The following RIMS4 variants were observed in gnomAD, a reference collection of about 807,000 sequenced individuals.
The protein encoded by RIMS4 is regulating synaptic membrane exocytosis 4.
Under a neutral mutation model 29.0 loss-of-function variants are expected in RIMS4, and 9 were observed. That is an observed-to-expected ratio of 0.31 (90% CI 0.19 to 0.54). RIMS4 has a LOEUF of 0.54. Among genes scored for constraint, RIMS4 ranks in the 20% least tolerant of loss-of-function variants. The pLI, the probability that RIMS4 is intolerant of heterozygous loss-of-function variation, is 0.94. For synonymous variants in RIMS4, 130 were observed against 152.9 expected (o/e 0.85, Z 1.10); for missense variants, 193 against 365.7 (o/e 0.53, Z 3.85).
intron 1 of RIMS4, among the ~76,000 whole-genome samples, chr20:44,799,120 T>C (rs2066266997): frequency 6.6e-6 from 1 of 152,096 alleles, no homozygotes; most frequent in Admixed American, 6.5e-5. Context: ...CTGCCCAATA[T>C]GGTGAAACTC....
intron 1 of RIMS4, among the ~76,000 whole-genome samples, chr20:44,780,949 T>C (rs1053034870): frequency 6.6e-6 from 1 of 152,176 alleles, no homozygotes; most frequent in East Asian, 1.9e-4. Context: ...GTAATAAATA[T>C]GGAATGTGCT....
intron 2 of RIMS4, among the ~76,000 whole-genome samples, 196 bp from the exon 3 acceptor site, chr20:44,758,380 GC>G (rs1353680204): frequency 9.2e-5 from 14 of 152,296 alleles, no homozygotes; most frequent in Admixed American, 3.9e-4. Context: ...AGCAGCATCA[GC>G]ATCACCTGGG....
chr20:44,797,510 T>C (rs953768069), intron 1 of RIMS4, among the ~76,000 whole-genome samples: 1 of 152,248 alleles, frequency 6.6e-6, no homozygotes, highest in African/African-American at 2.4e-5. Flanking sequence ...CCTCACTTTC[T>C]CACTCCCATC....
chr20:44,760,799 C>T (rs182788346), intron 2 of RIMS4, among the ~76,000 whole-genome samples: 15 of 152,238 alleles, frequency 9.9e-5, no homozygotes, highest in African/African-American at 3.6e-4. Context: ...GTGATTTCTG[C>T]CCTTCAGGTG....
At chr20:44,789,715 C>G (rs991457527) in intron 1 of RIMS4, among the ~76,000 whole-genome samples, 1 of 152,196 alleles carries the variant, frequency 6.6e-6, no homozygotes, top group African/African-American at 2.4e-5. Flanking sequence ...GCCACCACAT[C>G]TGGCTGAGTT....
chr20:44,791,165 T>C (rs1355979839), intron 1 of RIMS4, among the ~76,000 whole-genome samples: 1 of 152,254 alleles, frequency 6.6e-6, no homozygotes, highest in Non-Finnish European at 1.5e-5. Flanking sequence ...TAAATATGTG[T>C]TGTGTGTGTG....
At chr20:44,799,367 C>T (rs1306294973) in intron 1 of RIMS4, among the ~76,000 whole-genome samples, 1 of 152,028 alleles carries the variant, frequency 6.6e-6, no homozygotes, top group Non-Finnish European at 1.5e-5. Flanking sequence ...CCCAGCTGCC[C>T]AGTTTGGGGG....
chr20:44,772,328 T>G (rs1173053869), intron 1 of RIMS4, among the ~76,000 whole-genome samples: 1 of 152,164 alleles, frequency 6.6e-6, no homozygotes, highest in East Asian at 1.9e-4. Flanking sequence ...TTAAACAATA[T>G]TGGTGTTTTG....
chr20:44,791,356 G>T (rs1048961125), intron 1 of RIMS4, among the ~76,000 whole-genome samples: 4 of 152,236 alleles, frequency 2.6e-5, no homozygotes, highest in Non-Finnish European at 5.9e-5. Context: ...TAGACTCAAG[G>T]AAACCAGCTC....
intron 1 of RIMS4, among the ~76,000 whole-genome samples, chr20:44,797,519 T>A (rs1275945719): frequency 2.0e-5 from 3 of 152,196 alleles, no homozygotes; most frequent in Admixed American, 2.0e-4. Context: ...CTCACTCCCA[T>A]CCTGGGGTTT....
At chr20:44,801,603 A>G (rs561362569) in intron 1 of RIMS4, among the ~76,000 whole-genome samples, 46 of 152,322 alleles carry the variant, frequency 3.0e-4, no homozygotes, top group Non-Finnish European at 4.1e-4. Flanking sequence ...AAGGAGCTAG[A>G]CCTGAATCCT....
chr20:44,763,215 G>A (rs987428485), intron 2 of RIMS4, among the ~76,000 whole-genome samples: 1 of 152,218 alleles, frequency 6.6e-6, no homozygotes, highest in African/African-American at 2.4e-5. Context: ...GACCCTGGAT[G>A]CCAGTACTGT....
At chr20:44,805,147 A>G (rs892311262) in intron 1 of RIMS4, among the ~76,000 whole-genome samples, 4 of 151,986 alleles carry the variant, frequency 2.6e-5, no homozygotes, top group Admixed American at 1.3e-4. Flanking sequence ...AAAAGAAAAA[A>G]AAAAGAAAAT....
chr20:44,788,811 G>A (rs1324884963), intron 1 of RIMS4, among the ~76,000 whole-genome samples: 1 of 151,998 alleles, frequency 6.6e-6, no homozygotes, highest in East Asian at 1.9e-4. Context: ...TAAAAAAAAT[G>A]ATACTGATGA....
intron 1 of RIMS4, among the ~76,000 whole-genome samples, chr20:44,801,930 C>G (rs1379446972): frequency 6.6e-6 from 1 of 152,178 alleles, no homozygotes; most frequent in East Asian, 1.9e-4. Context: ...GCCTTTTCCT[C>G]CAACCCAGTG....
intron 1 of RIMS4, among the ~76,000 whole-genome samples, chr20:44,799,223 A>G (rs1380136609): frequency 6.6e-6 from 1 of 152,140 alleles, no homozygotes; most frequent in African/African-American, 2.4e-5. Flanking sequence ...GAATTACATG[A>G]ACCCAGGAGG....
chr20:44,804,445 G>A (rs948199922), intron 1 of RIMS4, among the ~76,000 whole-genome samples: 1 of 152,142 alleles, frequency 6.6e-6, no homozygotes, highest in East Asian at 1.9e-4. Context: ...GTTTATAGTG[G>A]GGGAGATACT....
intron 1 of RIMS4, among the ~76,000 whole-genome samples, chr20:44,808,604 T>C (rs1205272805): frequency 2.0e-5 from 3 of 152,190 alleles, no homozygotes; most frequent in Non-Finnish European, 4.4e-5. Flanking sequence ...TCAGTTGTTT[T>C]TTTCTGTAAA....
chr20:44,790,531 T>G (rs1376262345), intron 1 of RIMS4, among the ~76,000 whole-genome samples: 1 of 152,198 alleles, frequency 6.6e-6, no homozygotes, highest in African/African-American at 2.4e-5. Flanking sequence ...GATTCTCACT[T>G]GTGAATGTCC....
Sources: gnomAD v4.1 joint callset for allele counts (sites outside exome capture counted in the v4.1 genomes callset) on GRCh38, gnomAD v4.1.1 for gene constraint, MANE v1.5 for transcripts, NCBI Gene and HGNC (gene_info 2026-07-23, HGNC 2026-07-21) for gene names.